SORCS2: variants seen among roughly 807,000 people sequenced by gnomAD.
SORCS2 encodes sortilin related VPS10 domain containing receptor 2, also known as VPS10 domain-containing receptor SorCS2.
Under a neutral mutation model 141.6 loss-of-function variants are expected in SORCS2, and 100 were observed. The observed-to-expected ratio is 0.71, with a 90% CI of 0.60 to 0.83. SORCS2 has a LOEUF of 0.83. SORCS2 is among the 40% of genes least tolerant of loss of function. The probability of loss-of-function intolerance (pLI) is 0.00; values close to 1 mark genes in which losing one functional copy is unlikely to be tolerated. For missense variants in SORCS2, 1,646 were observed against 1,560.2 expected (o/e 1.05, Z -0.93); for synonymous variants, 789 against 676.9 (o/e 1.17, Z -2.57).
At chr4:7,368,736 C>A (rs1722065742) in intron 1 of SORCS2, among the ~76,000 whole-genome samples, 1 of 152,174 alleles carries the variant, frequency 6.6e-6, no homozygotes, top group Non-Finnish European at 1.5e-5. Flanking sequence ...AAAACGAATG[C>A]ATAAGTGATG....
At chr4:7,295,216 C>A (rs1382485555) in intron 1 of SORCS2, among the ~76,000 whole-genome samples, 1 of 112,746 alleles carries the variant, frequency 8.9e-6, no homozygotes, top group East Asian at 2.5e-4. Context: ...CTCCTCCTCT[C>A]TCTCTCTCCT....
At chr4:7,514,045 C>G (rs755552687) in intron 2 of SORCS2, among the ~76,000 whole-genome samples, 1 of 152,148 alleles carries the variant, frequency 6.6e-6, no homozygotes, top group East Asian at 1.9e-4. Flanking sequence ...TTTCAGCAAA[C>G]TTTCACTGAC....
intron 1 of SORCS2, among the ~76,000 whole-genome samples, chr4:7,376,325 C>G (rs938509100): frequency 4.0e-5 from 6 of 151,610 alleles, no homozygotes; most frequent in Admixed American, 3.9e-4. Context: ...GCCTGTAATC[C>G]CAGCACTTTG....
chr4:7,371,818 G>A (rs371194814), intron 1 of SORCS2, among the ~76,000 whole-genome samples: 14 of 152,348 alleles, frequency 9.2e-5, no homozygotes, highest in Non-Finnish European at 1.3e-4. Flanking sequence ...GGCCTCTGAC[G>A]GAGGCGCTGT....
intron 3 of SORCS2, among the ~76,000 whole-genome samples, chr4:7,631,766 G>A (rs1719913353): frequency 6.6e-6 from 1 of 152,136 alleles, no homozygotes; most frequent in African/African-American, 2.4e-5. Context: ...AGAATGAATG[G>A]GAGTCCCTCC....
chr4:7,671,961 T>G (rs1347656566), intron 8 of SORCS2, among the ~76,000 whole-genome samples: 2 of 127,532 alleles, frequency 1.6e-5, no homozygotes, highest in African/African-American at 3.8e-5. Flanking sequence ...TTTTTTTTTT[T>G]GAGATAGAAT....
At chr4:7,537,880 G>A (rs1577715162) in intron 3 of SORCS2, among the ~76,000 whole-genome samples, 1 of 152,108 alleles carries the variant, frequency 6.6e-6, no homozygotes, top group Non-Finnish European at 1.5e-5. Context: ...CAGCTACTCA[G>A]GAGGCTGAGG....
At chr4:7,626,416 G>T (rs533177367) in intron 3 of SORCS2, among the ~76,000 whole-genome samples, 6 of 152,092 alleles carry the variant, frequency 3.9e-5, no homozygotes, top group Non-Finnish European at 8.8e-5. Context: ...TAGGCCATGT[G>T]GTACAGACTA....
chr4:7,621,415 TTG>T (rs59645194), intron 3 of SORCS2, among the ~76,000 whole-genome samples: 2,603 of 149,368 alleles, frequency 0.017, 26 homozygotes, highest in African/African-American at 0.036. Context: ...GTGTGCATGT[TTG>T]TGTGTGTGTG....
At chr4:7,240,832 CG>C (rs1712643618) in intron 1 of SORCS2, among the ~76,000 whole-genome samples, 1 of 152,164 alleles carries the variant, frequency 6.6e-6, no homozygotes, top group Admixed American at 6.5e-5. Flanking sequence ...TGGCTGAAGT[CG>C]GGTGGTTTAC....
chr4:7,434,592 C>T lies in SORCS2; in HGVS notation c.548+38237C>T, dbSNP rs764571142. The T allele has an allele frequency of 3.2e-5, 51 of 1,613,496 alleles. 2 individuals are homozygous for T. The South Asian group carries it at 5.5e-4, about 17-fold the overall frequency. On this transcript the variant is annotated intron_variant, in intron 2 of 26. Transcript: ENST00000507866. The stretch of plus-strand genomic sequence containing the variant: ...CTGAAGACTCCTGGCTGGGGAGCCA[C>T]TCACAGGTCTTCATCACCAAAGCCA...
At chr4:7,458,772 G>A (rs1024769607) in intron 2 of SORCS2, among the ~76,000 whole-genome samples, 1 of 152,062 alleles carries the variant, frequency 6.6e-6, no homozygotes, top group African/African-American at 2.4e-5. Context: ...CACCCCAAGG[G>A]GGTCCCGGGC....
intron 3 of SORCS2, among the ~76,000 whole-genome samples, chr4:7,534,099 A>G (rs1711901150): frequency 6.6e-6 from 1 of 152,234 alleles, no homozygotes. Flanking sequence ...CACTGCGGGT[A>G]CAGGATTGGG....
chr4:7,377,358 G>A (rs1048040960), intron 1 of SORCS2, among the ~76,000 whole-genome samples: 2 of 152,050 alleles, frequency 1.3e-5, no homozygotes, highest in Admixed American at 1.3e-4. Flanking sequence ...GGCTGTGACG[G>A]GGGGGACAGA....
At chr4:7,642,594 GAAC>G (rs973486636) in intron 4 of SORCS2, among the ~76,000 whole-genome samples, 40 of 152,184 alleles carry the variant, frequency 2.6e-4, no homozygotes, top group African/African-American at 8.0e-4. Flanking sequence ...TGGTGTGGTG[GAAC>G]AACGTCAGCT....
At chr4:7,704,924 G>C (rs745825445) in intron 14 of SORCS2, among the ~76,000 whole-genome samples, 1 of 152,136 alleles carries the variant, frequency 6.6e-6, no homozygotes, top group South Asian at 2.1e-4. Context: ...TGTGTCTAAC[G>C]GCTCCTGCGA....
intron 3 of SORCS2, among the ~76,000 whole-genome samples, chr4:7,615,642 C>T (rs966464489): frequency 5.3e-5 from 8 of 152,216 alleles, no homozygotes; most frequent in African/African-American, 9.6e-5. Flanking sequence ...CTTCCTCCCA[C>T]GGTAGATTTC....
At chr4:7,530,906 C>T (rs999110189) in intron 2 of SORCS2, among the ~76,000 whole-genome samples, 12 of 152,300 alleles carry the variant, frequency 7.9e-5, no homozygotes, top group South Asian at 4.1e-4. Flanking sequence ...CACTCCAGGG[C>T]GGGCATAGTG....
At chr4:7,351,923 GC>G (rs2109007682) in intron 1 of SORCS2, among the ~76,000 whole-genome samples, 1 of 151,994 alleles carries the variant, frequency 6.6e-6, no homozygotes, top group Non-Finnish European at 1.5e-5. Flanking sequence ...TACCTACTCA[GC>G]CACTCATCTA....
Sources: gnomAD v4.1 joint callset for allele counts (sites outside exome capture counted in the v4.1 genomes callset) on GRCh38, gnomAD v4.1.1 for gene constraint, MANE v1.5 for transcripts, NCBI Gene and HGNC (gene_info 2026-07-23, HGNC 2026-07-21) for gene names.